NIM1K: variants seen among roughly 807,000 people sequenced by gnomAD.
NIM1K encodes the protein NIM1 serine/threonine protein kinase.
A neutral mutation model predicts 37.1 loss-of-function variants in NIM1K; 35 were observed. The observed-to-expected ratio is 0.94, with a 90% confidence interval of 0.72 to 1.25. NIM1K has a LOEUF of 1.25. NIM1K is among the 50% of genes most tolerant of loss of function. The pLI is 0.00. For missense variants in NIM1K, 564 were observed against 548.0 expected (o/e 1.03, Z -0.29); for synonymous variants, 234 against 206.6 (o/e 1.13, Z -1.14).
chr5:43,228,573 C>T (rs1364601572), intron 1 of NIM1K, among the ~76,000 whole-genome samples: 1 of 151,818 alleles, frequency 6.6e-6, no homozygotes, highest in Non-Finnish European at 1.5e-5. Flanking sequence ...TCCTGTAATC[C>T]CAGCGTTTTG....
Position 43,232,945 on chromosome 5 carries a change from T to C in NIM1K, c.-694-12137T>C. 11 of 1,137,238 alleles carry C rather than the reference T, an allele frequency of 9.7e-6. No homozygotes were observed. The South Asian group carries it at 1.4e-4, about 14-fold the overall frequency. The allele number at this position is 1,137,238 out of a possible 1,614,324, so 70.4% of individuals were successfully genotyped here. Reference sequence around the variant, plus strand: ...GTTGTAGGTGCCAGTGCAAACTTCATCATCAATTACCATGGGTTTCAGGTC... The same window carrying C: ...GTTGTAGGTGCCAGTGCAAACTTCACCATCAATTACCATGGGTTTCAGGTC... On this transcript the variant is annotated intron_variant, in intron 1 of 3. Transcript: ENST00000326035.
At chr5:43,209,648 T>TTTGTTTTTTGAGA (rs1294967966) in intron 1 of NIM1K, among the ~76,000 whole-genome samples, 1 of 152,112 alleles carries the variant, frequency 6.6e-6, no homozygotes, top group Admixed American at 6.6e-5. Context: ...ACACAGAGTC[T>TTTGTTTTTTGAGA]CGCTCTGTTG....
intron 1 of NIM1K, chr5:43,207,017 C>T (rs1166059153): frequency 4.0e-6 from 3 of 746,246 alleles, no homozygotes; most frequent in East Asian, 2.5e-5. Flanking sequence ...GCGGGTAAAA[C>T]AATTACCACC....
intron 3 of NIM1K, among the ~76,000 whole-genome samples, chr5:43,277,950 T>C (rs560376583): frequency 6.6e-6 from 1 of 152,056 alleles, no homozygotes; most frequent in African/African-American, 2.4e-5. Flanking sequence ...GTGTCTTTCT[T>C]TTTTCCCTTC....
intron 2 of NIM1K, among the ~76,000 whole-genome samples, chr5:43,246,359 C>G (rs369365823): frequency 6.6e-6 from 1 of 151,838 alleles, no homozygotes; most frequent in African/African-American, 2.4e-5. Flanking sequence ...TTCCACCATA[C>G]CATGCAGATA....
chr5:43,213,895 C>T (rs1039475846), intron 1 of NIM1K, among the ~76,000 whole-genome samples: 2 of 152,070 alleles, frequency 1.3e-5, no homozygotes, highest in East Asian at 3.9e-4. Flanking sequence ...TCCTAAAGTG[C>T]TGAGATTACA....
chr5:43,274,103 A>T (rs1338315980), intron 2 of NIM1K, among the ~76,000 whole-genome samples: 1 of 152,196 alleles, frequency 6.6e-6, no homozygotes, highest in Non-Finnish European at 1.5e-5. Flanking sequence ...GGGTGATTGC[A>T]CATGAGGTGA....
chr5:43,195,944 TAAG>T (rs1483857247), intron 1 of NIM1K, among the ~76,000 whole-genome samples: 1 of 152,186 alleles, frequency 6.6e-6, no homozygotes, highest in Non-Finnish European at 1.5e-5. Context: ...AATAGGAAAC[TAAG>T]AAGAACTCCA....
At chr5:43,207,444 T>C (rs1752134286) in intron 1 of NIM1K, 1 of 807,604 alleles carries the variant, frequency 1.2e-6, no homozygotes, top group Admixed American at 1.7e-5. Flanking sequence ...CAGGTTCTAA[T>C]AGAAGACTGT....
intron 1 of NIM1K, chr5:43,231,965 CTT>C: frequency 1.0e-6 from 1 of 970,752 alleles, no homozygotes; most frequent in Non-Finnish European, 1.6e-6. Context: ...CAAAAGCACT[CTT>C]GACATACATT....
chr5:43,262,822 T>G (rs1454677228), intron 2 of NIM1K, among the ~76,000 whole-genome samples: 1 of 152,174 alleles, frequency 6.6e-6, no homozygotes. Context: ...CATGAAGGGT[T>G]GTTGAATTTT....
chr5:43,234,651 T>A lies in NIM1K; in HGVS notation c.-694-10431T>A, dbSNP rs559861439. Among the ~76,000 whole-genome samples, 18 of 152,304 alleles carry A rather than the reference T, an allele frequency of 1.2e-4. 1 individual carries two copies. The South Asian group carries it at 3.5e-3, about 30-fold the overall frequency. The stretch of plus-strand genomic sequence containing the variant: ...ATAGTATTTTATTTATTTTGTATTA[T>A]TTTGACACAGTCTTGCTCTGTTGCC... On this transcript the variant is annotated intron_variant, in intron 1 of 3. Coordinates refer to ENST00000326035, the MANE Select transcript of NIM1K (RefSeq NM_153361.4).
intron 1 of NIM1K, among the ~76,000 whole-genome samples, chr5:43,228,525 G>A (rs1364290511): frequency 6.6e-6 from 1 of 151,962 alleles, no homozygotes; most frequent in Admixed American, 6.6e-5. Context: ...TAAAACTCCA[G>A]TTTAAATTTA....
At chr5:43,258,758 T>G (rs1752984366) in intron 2 of NIM1K, among the ~76,000 whole-genome samples, 1 of 152,150 alleles carries the variant, frequency 6.6e-6, no homozygotes, top group East Asian at 1.9e-4. Context: ...GCATTTTTAT[T>G]GGGGACATTT....
chr5:43,224,065 G>GTT (rs376822728), intron 1 of NIM1K, among the ~76,000 whole-genome samples: 5 of 146,250 alleles, frequency 3.4e-5, no homozygotes, highest in East Asian at 4.0e-4. Flanking sequence ...TTGTCTTTTT[G>GTT]TTTTTTTTTT....
At chr5:43,231,921 C>A in intron 1 of NIM1K, 1 of 964,350 alleles carries the variant, frequency 1.0e-6, no homozygotes, top group Non-Finnish European at 1.6e-6. Flanking sequence ...AGAAAACTCT[C>A]CTTCCTCCCT....
At position 43,228,016 on chromosome 5, in the gene NIM1K, G is replaced by A. The variant is rs189789348; in HGVS notation, c.-694-17066G>A. 1.6e-4 allele frequency among the ~76,000 whole-genome samples: 24 copies of A among 152,288 alleles called. No homozygotes were observed. In the East Asian group the frequency reaches 3.3e-3, roughly 21 times the overall value. The stretch of plus-strand genomic sequence containing the variant: ...GAGACTGTAACCATGTTCTGACCCT[G>A]AGTGTATATTATTCCATGACCTCAC... On this transcript the variant is annotated intron_variant, in intron 1 of 3. Transcript: ENST00000326035.
intron 1 of NIM1K, among the ~76,000 whole-genome samples, chr5:43,202,936 A>G (rs1199365945): frequency 1.3e-5 from 2 of 152,174 alleles, no homozygotes; most frequent in East Asian, 1.9e-4. Flanking sequence ...TGCTGGCTCC[A>G]TGTCCTGAGA....
At position 43,280,788 on chromosome 5, in the gene NIM1K, C is replaced by G; in HGVS notation, c.*59C>G. 9.6e-6 allele frequency: 14 copies of G among 1,457,152 alleles called. No individual in the cohort carries two copies. Among genetic ancestry groups the G allele is most frequent in the Non-Finnish European group, 1.3e-5 (14 of 1,092,294 alleles). The allele number at this position is 1,457,152 out of a possible 1,614,324, so 90.3% of individuals were successfully genotyped here. A position where few individuals can be genotyped will look rare whatever the true frequency, so the allele number is the denominator to read the frequency against. ...ATTGTTGCTGCTTCTAAATTTTTTTCAAGGACAACTTGAGTGGAGACATTT... is the reference window on the plus strand; with the variant it reads ...ATTGTTGCTGCTTCTAAATTTTTTTGAAGGACAACTTGAGTGGAGACATTT... On this transcript the variant is annotated 3_prime_UTR_variant, in exon 4 of 4. Coordinates refer to ENST00000326035, the MANE Select transcript of NIM1K (RefSeq NM_153361.4).
Sources: allele counts gnomAD v4.1 joint callset (sites outside exome capture counted in the v4.1 genomes callset), GRCh38; gene constraint gnomAD v4.1.1; transcripts MANE v1.5; gene names NCBI Gene and HGNC (gene_info 2026-07-23, HGNC 2026-07-21).